Variants in TNS3 observed in about 807,000 individuals in gnomAD.
The protein encoded by TNS3 is tensin-3.
Under a neutral mutation model 140.9 loss-of-function variants are expected in TNS3, and 45 were observed. The ratio of observed to expected loss-of-function variants is 0.32; its 90% CI spans 0.25 to 0.41. The LOEUF is 0.41. TNS3 is among the 10% of genes least tolerant of loss of function. The pLI is 1.00. For synonymous variants in TNS3, 815 were observed against 788.4 expected (o/e 1.03, Z -0.56); for missense variants, 1,716 against 1,906.7 (o/e 0.90, Z 1.86).
intron 5 of TNS3, among the ~76,000 whole-genome samples, chr7:47,441,039 A>G (rs1282161800): frequency 6.6e-6 from 1 of 152,226 alleles, no homozygotes; most frequent in East Asian, 1.9e-4. Context: ...GATACTATGT[A>G]ATTTCATTTA....
intron 1 of TNS3, among the ~76,000 whole-genome samples, chr7:47,578,734 G>C (rs1240477775): frequency 6.6e-6 from 1 of 152,204 alleles, no homozygotes; most frequent in African/African-American, 2.4e-5. Context: ...CTGAGTCACA[G>C]AGTACAAACA....
At chr7:47,582,556 G>A (rs1784561549), upstream of TNS3, 1 of 451,518 alleles carries the variant, frequency 2.2e-6, no homozygotes, top group African/African-American at 2.0e-5. Context: ...AGTGGGAGTC[G>A]CGCATACATA....
intron 30 of TNS3, chr7:47,278,896 G>A (rs1044561332): frequency 6.6e-6 from 1 of 152,220 alleles, no homozygotes; most frequent in African/African-American, 2.4e-5. Flanking sequence ...CAGGTCCTGG[G>A]CAAAGGACTT....
intron 20 of TNS3, among the ~76,000 whole-genome samples, chr7:47,336,585 G>C (rs1222930577): frequency 6.6e-6 from 1 of 152,190 alleles, no homozygotes; most frequent in Non-Finnish European, 1.5e-5. Context: ...GATGCCTGTG[G>C]CAGAAGCTGG....
intron 3 of TNS3, among the ~76,000 whole-genome samples, chr7:47,489,844 C>CA (rs1797747243): frequency 6.6e-6 from 1 of 152,204 alleles, no homozygotes; most frequent in South Asian, 2.1e-4. Flanking sequence ...CGCCTTCCTG[C>CA]AGTGAGTCTG....
At chr7:47,502,351 G>A (rs1471940027) in intron 3 of TNS3, among the ~76,000 whole-genome samples, 1 of 152,212 alleles carries the variant, frequency 6.6e-6, no homozygotes, top group Admixed American at 6.5e-5. Flanking sequence ...GAAGTTAATG[G>A]TTGAAACTTA....
intron 17 of TNS3, among the ~76,000 whole-genome samples, chr7:47,349,268 A>C (rs1015935966): frequency 2.0e-5 from 3 of 152,244 alleles, no homozygotes; most frequent in African/African-American, 7.2e-5. Flanking sequence ...TTCATTTAAA[A>C]AAAGTCTCAA....
chr7:47,371,484 A>C (rs1234235998), intron 16 of TNS3, among the ~76,000 whole-genome samples: 1 of 152,150 alleles, frequency 6.6e-6, no homozygotes, highest in African/African-American at 2.4e-5. Flanking sequence ...CTGCTGGCCC[A>C]CTGCCCACCT....
At chr7:47,416,113 G>C (rs1794068438) in intron 10 of TNS3, among the ~76,000 whole-genome samples, 1 of 152,236 alleles carries the variant, frequency 6.6e-6, no homozygotes. Flanking sequence ...CATGGAATCT[G>C]TGTTTCCATA....
intron 13 of TNS3, among the ~76,000 whole-genome samples, chr7:47,408,859 G>T (rs531770428): frequency 2.0e-5 from 3 of 151,948 alleles, no homozygotes; most frequent in Non-Finnish European, 4.4e-5. Flanking sequence ...CAACTCACAG[G>T]ACACGTCCAT....
rs10452818 is a variant in TNS3, at chr7:47,411,625, T to G, written c.723+102A>C. 9.4e-3 allele frequency: 11,859 copies of G among 1,264,020 alleles called. 777 individuals carry two copies. In the African/African-American group the frequency reaches 0.15, roughly 16 times the overall value. The allele number at this position is 1,264,020 out of a possible 1,614,324, so 78.3% of individuals were successfully genotyped here. A position where few individuals can be genotyped will look rare whatever the true frequency, so the allele number is the denominator to read the frequency against. On this transcript the variant is annotated intron_variant, in intron 13 of 30. Coordinates refer to ENST00000311160, the MANE Select transcript of TNS3 (RefSeq NM_022748.12). ...CCTTCTTCCTACAGGGTACTTTTTTTGGGGGTGAGGGTTACTGTTTTAACA... is the reference window on the plus strand; with the variant it reads ...CCTTCTTCCTACAGGGTACTTTTTTGGGGGGTGAGGGTTACTGTTTTAACA...
chr7:47,383,027 A>G (rs1480903958), intron 16 of TNS3, among the ~76,000 whole-genome samples: 1 of 152,216 alleles, frequency 6.6e-6, no homozygotes, highest in African/African-American at 2.4e-5. Context: ...AACCAATTAG[A>G]AGGATGAGAA....
intron 1 of TNS3, among the ~76,000 whole-genome samples, chr7:47,543,975 C>T (rs1295880167): frequency 1.3e-5 from 2 of 152,232 alleles, no homozygotes; most frequent in Non-Finnish European, 2.9e-5. Flanking sequence ...CACAGAGTTC[C>T]TTCCCCCTGA....
At chr7:47,469,151 G>C (rs1047547757) in intron 4 of TNS3, among the ~76,000 whole-genome samples, 2 of 152,198 alleles carry the variant, frequency 1.3e-5, no homozygotes, top group Non-Finnish European at 2.9e-5. Context: ...GAAAACCTAA[G>C]AAATACCCTT....
chr7:47,413,069 T>A (rs911672141), intron 12 of TNS3, among the ~76,000 whole-genome samples: 3 of 151,206 alleles, frequency 2.0e-5, no homozygotes, highest in Admixed American at 6.6e-5. Context: ...TTCTCCTGCC[T>A]CAGCCTCCCA....
Position 47,405,575 on chromosome 7 carries a change from G to A in TNS3, c.724-4661C>T, listed in dbSNP as rs766077769. 11 of 702,982 alleles carry A rather than the reference G, an allele frequency of 1.6e-5. No homozygotes were observed. In the South Asian group the frequency reaches 1.6e-4, roughly 10 times the overall value. 43.5% of individuals were successfully genotyped at this position (702,982 alleles called of 1,614,324 possible). On this transcript the variant is annotated intron_variant, in intron 13 of 30. Coordinates refer to ENST00000311160, the MANE Select transcript of TNS3 (RefSeq NM_022748.12). ...AATTCATGACCTAAAGCAATTGAAA[G>A]GTGGGTAAATATTGGCTGCAAACGA...
chr7:47,365,615 T>A (rs1790650117), intron 17 of TNS3, among the ~76,000 whole-genome samples: 1 of 151,754 alleles, frequency 6.6e-6, no homozygotes, highest in African/African-American at 2.4e-5. Context: ...TACAAAAAAA[T>A]TAGCCGGGCG....
chr7:47,310,841 T>TA (rs1205661974), intron 20 of TNS3, among the ~76,000 whole-genome samples: 1 of 152,240 alleles, frequency 6.6e-6, no homozygotes, highest in African/African-American at 2.4e-5. Flanking sequence ...GTCCTTGTGA[T>TA]AGTTTGCTCA....
intron 21 of TNS3, among the ~76,000 whole-genome samples, chr7:47,303,917 G>A (rs942391362): frequency 2.0e-5 from 3 of 152,152 alleles, no homozygotes; most frequent in African/African-American, 4.8e-5. Context: ...AGGCCCTTTC[G>A]TCCTTTAAGA....
Sources: allele counts gnomAD v4.1 joint callset (sites outside exome capture counted in the v4.1 genomes callset), GRCh38; gene constraint gnomAD v4.1.1; transcripts MANE v1.5; gene names NCBI Gene and HGNC (gene_info 2026-07-23, HGNC 2026-07-21).